Variants in SUPT3H observed in about 807,000 individuals in gnomAD.
The protein encoded by SUPT3H is transcription initiation protein SPT3 homolog.
Under a neutral mutation model 44.3 loss-of-function variants are expected in SUPT3H, and 44 were observed. The observed-to-expected ratio is 0.99, with a 90% confidence interval of 0.78 to 1.28. The LOEUF is 1.28. Ranked by LOEUF, SUPT3H falls within the 50% of genes most tolerant of loss-of-function variation. The pLI, the probability that SUPT3H is intolerant of heterozygous loss-of-function variation, is 0.00. For synonymous variants in SUPT3H, 124 were observed against 125.6 expected (o/e 0.99, Z 0.09); for missense variants, 380 against 387.1 (o/e 0.98, Z 0.15).
At chr6:44,861,133 G>C (rs1774591572) in intron 10 of SUPT3H, among the ~76,000 whole-genome samples, 1 of 151,868 alleles carries the variant, frequency 6.6e-6, no homozygotes, top group South Asian at 2.1e-4. Context: ...ATTCAGGCTG[G>C]AGTGTAGTAG....
chr6:44,857,381 G>A (rs1773912985), intron 10 of SUPT3H, among the ~76,000 whole-genome samples: 1 of 152,146 alleles, frequency 6.6e-6, no homozygotes, highest in African/African-American at 2.4e-5. Context: ...GGGGAGAGCA[G>A]TCTCATTGGG....
intron 2 of SUPT3H, among the ~76,000 whole-genome samples, chr6:45,202,979 A>C (rs763025359): frequency 1.3e-5 from 2 of 152,172 alleles, no homozygotes; most frequent in African/African-American, 2.4e-5. Flanking sequence ...AGACAGTAAG[A>C]TATAGATTAT....
At chr6:44,995,656 A>G (rs1400884273) in intron 6 of SUPT3H, among the ~76,000 whole-genome samples, 2 of 152,028 alleles carry the variant, frequency 1.3e-5, no homozygotes, top group South Asian at 2.1e-4. Flanking sequence ...TCATACATTC[A>G]TCTGTTCAGT....
chr6:45,111,784 T>C (rs938574383), intron 2 of SUPT3H, among the ~76,000 whole-genome samples: 1 of 152,008 alleles, frequency 6.6e-6, no homozygotes, highest in Non-Finnish European at 1.5e-5. Context: ...CATCTCACTG[T>C]AGTCACGGCC....
chr6:44,903,146 C>G (rs1174026236), intron 10 of SUPT3H, among the ~76,000 whole-genome samples: 1 of 152,110 alleles, frequency 6.6e-6, no homozygotes, highest in Non-Finnish European at 1.5e-5. Context: ...CAAACAAATT[C>G]AAAAGCTAGC....
At chr6:45,375,822 G>A (rs1796699798) in intron 1 of SUPT3H, among the ~76,000 whole-genome samples, 1 of 148,902 alleles carries the variant, frequency 6.7e-6, no homozygotes, top group Non-Finnish European at 1.5e-5. Context: ...ATATACACTT[G>A]CTTTAAAAAA....
In SUPT3H at chr6:45,329,755, C is replaced by T. The variant is rs578093614; in HGVS notation, c.101+35446G>A. On this transcript the variant is annotated intron_variant, in intron 2 of 10. Transcript: ENST00000371459. ...TCCCTTAATATTTAATTTCAAGTTA[C>T]TGTTGATACAGATATGTAAATGACT... Among the ~76,000 whole-genome samples, 5 of 152,046 alleles carry T rather than the reference C, an allele frequency of 3.3e-5. No homozygotes were observed. The East Asian group carries it at 7.7e-4, about 24-fold the overall frequency.
At chr6:44,982,232 C>CT (rs200691431) in intron 6 of SUPT3H, among the ~76,000 whole-genome samples, 2,816 of 151,222 alleles carry the variant, frequency 0.019, 55 homozygotes, top group South Asian at 0.086. Flanking sequence ...GTCACCCAGG[C>CT]TTTTTTTTTG....
At chr6:45,162,885 A>G (rs578254426) in intron 2 of SUPT3H, among the ~76,000 whole-genome samples, 2 of 152,312 alleles carry the variant, frequency 1.3e-5, no homozygotes, top group South Asian at 4.1e-4. Context: ...TCACTTAAAT[A>G]TAAGATTATT....
chr6:44,837,110 G>A (rs1368764394), intron 10 of SUPT3H, among the ~76,000 whole-genome samples: 2 of 152,074 alleles, frequency 1.3e-5, no homozygotes, highest in South Asian at 2.1e-4. Flanking sequence ...TTACTCAACT[G>A]CATTTTCAAG....
At chr6:45,330,580 T>C (rs1338826913) in intron 2 of SUPT3H, among the ~76,000 whole-genome samples, 2 of 152,068 alleles carry the variant, frequency 1.3e-5, no homozygotes, top group African/African-American at 4.8e-5. Context: ...ATGAAGAATA[T>C]GTTAAAATTC....
intron 5 of SUPT3H, among the ~76,000 whole-genome samples, chr6:45,008,006 T>A (rs1211200919): frequency 1.3e-5 from 2 of 152,180 alleles, no homozygotes; most frequent in Non-Finnish European, 2.9e-5. Flanking sequence ...TTAGCATATA[T>A]CAGTATTTAA....
At chr6:45,090,907 T>A (rs146888999) in intron 3 of SUPT3H, among the ~76,000 whole-genome samples, 55 of 152,024 alleles carry the variant, frequency 3.6e-4, no homozygotes, top group African/African-American at 1.2e-3. Flanking sequence ...AGTGATCTTC[T>A]TAATAAAAAC....
intron 10 of SUPT3H, among the ~76,000 whole-genome samples, chr6:44,847,316 A>G (rs1772040677): frequency 6.6e-6 from 1 of 152,246 alleles, no homozygotes; most frequent in Non-Finnish European, 1.5e-5. Flanking sequence ...ATGATTGGTT[A>G]TAACAACACA....
At chr6:45,019,625 ACT>A (rs1237590327) in intron 4 of SUPT3H, among the ~76,000 whole-genome samples, 1 of 151,948 alleles carries the variant, frequency 6.6e-6, no homozygotes, top group Non-Finnish European at 1.5e-5. Flanking sequence ...GCTGAAACAT[ACT>A]GCATTTTACA....
chr6:44,810,011 ATTG>A (rs1158313468), intron 11 of SUPT3H, among the ~76,000 whole-genome samples: 2 of 152,166 alleles, frequency 1.3e-5, no homozygotes, highest in East Asian at 3.9e-4. Flanking sequence ...GGCCAAATGT[ATTG>A]TTGGTGTAGT....
At chr6:44,842,568 C>T (rs1379495716) in intron 10 of SUPT3H, among the ~76,000 whole-genome samples, 1 of 151,888 alleles carries the variant, frequency 6.6e-6, no homozygotes, top group Admixed American at 6.6e-5. Flanking sequence ...TAAGACATTA[C>T]CAACTATAAA....
intron 2 of SUPT3H, among the ~76,000 whole-genome samples, chr6:45,247,484 T>C (rs1010300462): frequency 6.6e-6 from 1 of 152,184 alleles, no homozygotes; most frequent in Non-Finnish European, 1.5e-5. Flanking sequence ...TTATGGCTAG[T>C]CATGCAGGTA....
chr6:45,071,734 C>A (rs1395023971), intron 3 of SUPT3H, among the ~76,000 whole-genome samples: 1 of 152,138 alleles, frequency 6.6e-6, no homozygotes, highest in East Asian at 1.9e-4. Flanking sequence ...TTACTAGATT[C>A]CTCTCTCTGA....
Sources: allele counts gnomAD v4.1 joint callset (sites outside exome capture counted in the v4.1 genomes callset), GRCh38; gene constraint gnomAD v4.1.1; transcripts MANE v1.5; gene names NCBI Gene and HGNC (gene_info 2026-07-23, HGNC 2026-07-21).